The following WDR25 variants were observed in gnomAD, a reference collection of about 807,000 sequenced individuals.
WDR25 encodes the protein WD repeat domain 25.
Under a neutral mutation model 47.7 loss-of-function variants are expected in WDR25, and 35 were observed. The observed-to-expected ratio is 0.73, with a 90% CI of 0.56 to 0.97. WDR25 has a LOEUF of 0.97. Among genes scored for constraint, WDR25 ranks in the 50% least tolerant of loss-of-function variants. The pLI is 0.00. For synonymous variants in WDR25, 248 were observed against 278.9 expected (o/e 0.89, Z 1.10); for missense variants, 634 against 704.7 (o/e 0.90, Z 1.14).
Position 100,529,664 on chromosome 14 carries a change from A to T in WDR25, c.1414-156A>T. 1.2e-6 allele frequency: 1 copy of T among 814,110 alleles called. No individual in the cohort carries two copies. Among genetic ancestry groups the T allele is most frequent in the Non-Finnish European group, 1.9e-6 (1 of 527,594 alleles). 50.4% of individuals were successfully genotyped at this position (814,110 alleles called of 1,614,324 possible). A position where few individuals can be genotyped will look rare whatever the true frequency, so the allele number is the denominator to read the frequency against. On this transcript the variant is annotated intron_variant, in intron 6 of 6. Transcript: ENST00000402312. The surrounding 1 kb of genome is among the most constrained non-coding windows in gnomAD (Gnocchi z 5.1). Reference sequence around the variant, plus strand: ...GCCCGCATCAGGGCTCTACAGCCTCATGGGCGGGACCTGGGCTTTGGCCTC... The same window carrying T: ...GCCCGCATCAGGGCTCTACAGCCTCTTGGGCGGGACCTGGGCTTTGGCCTC...
At chr14:100,495,346 A>G (rs1165216430) in intron 4 of WDR25, among the ~76,000 whole-genome samples, 1 of 152,028 alleles carries the variant, frequency 6.6e-6, no homozygotes, top group East Asian at 1.9e-4. Flanking sequence ...ACAGGGTGAG[A>G]CTCCGTCTCA....
At chr14:100,478,148 T>G (rs1471144904) in intron 3 of WDR25, among the ~76,000 whole-genome samples, 1 of 152,216 alleles carries the variant, frequency 6.6e-6, no homozygotes, top group Non-Finnish European at 1.5e-5. Flanking sequence ...CCCTTGGTTT[T>G]AGTTTGTAAA....
chr14:100,463,797 G>A (rs992169797), intron 2 of WDR25, among the ~76,000 whole-genome samples: 3 of 152,114 alleles, frequency 2.0e-5, no homozygotes, highest in African/African-American at 7.2e-5. Context: ...CAGTGCTTGG[G>A]CCAGGAACTG....
intron 4 of WDR25, among the ~76,000 whole-genome samples, chr14:100,519,813 T>C (rs540555794): frequency 2.8e-5 from 4 of 140,572 alleles, no homozygotes; most frequent in Non-Finnish European, 6.1e-5. Context: ...TATGTATATA[T>C]GTATACTATA....
chr14:100,481,011 T>C (rs1900178791), intron 3 of WDR25: 1 of 429,386 alleles, frequency 2.3e-6, no homozygotes, highest in Admixed American at 3.2e-5. Context: ...AAGAGGAGAC[T>C]GGTGCAGTTG....
intron 2 of WDR25, among the ~76,000 whole-genome samples, chr14:100,414,839 G>A (rs1897824409): frequency 6.6e-6 from 1 of 151,362 alleles, no homozygotes; most frequent in African/African-American, 2.4e-5. Flanking sequence ...GGGAGGCGGA[G>A]CTTGCAGTGA....
In WDR25 at chr14:100,525,311, A is replaced by T. The variant is rs2030065339; in HGVS notation, c.1102-559A>T. Among the ~76,000 whole-genome samples the T allele has an allele frequency of 6.6e-6, 1 of 152,246 alleles. No homozygotes were observed. Among genetic ancestry groups the T allele is most frequent in the African/African-American group, 2.4e-5 (1 of 41,460 alleles). On this transcript the variant is annotated intron_variant, in intron 4 of 6. Transcript: ENST00000402312. This position sits in a 1 kb window ranked among gnomAD's most constrained non-coding sequence, Gnocchi z 4.6. The stretch of plus-strand genomic sequence containing the variant: ...ATACTTAATAAAGTCAGTTTATGAG[A>T]CAGCAGACTGTGAAGTATCGGTGAT...
At chr14:100,437,982 A>C (rs1898552590) in intron 2 of WDR25, among the ~76,000 whole-genome samples, 1 of 152,216 alleles carries the variant, frequency 6.6e-6, no homozygotes, top group Non-Finnish European at 1.5e-5. Flanking sequence ...AGTCTGGGAA[A>C]GAAATCCCCA....
rs776903515 is a variant in WDR25 at position 100,529,875 on chromosome 14, C to T, written c.1469C>T (p.Thr490Met). The T allele has an allele frequency of 3.3e-5, 54 of 1,613,210 alleles. No homozygotes were observed. The highest frequency in any genetic ancestry group is 4.2e-5 in the Non-Finnish European group (50 of 1,180,020). Residue 490 changes from threonine to methionine, a missense_variant, in exon 7 of 7, where the codon ACG becomes ATG. Coordinates refer to ENST00000402312, the MANE Select transcript of WDR25 (RefSeq NM_001161476.3). This position sits in a 1 kb window ranked among gnomAD's most constrained non-coding sequence, Gnocchi z 5.1. ...ECSPGGDLLV[T>M]GSADGRVLMY... The stretch of plus-strand genomic sequence containing the variant: ...TCCCCAGGCGGTGACTTGCTGGTGA[C>T]GGGCAGCGCCGATGGCCGGGTCCTG...
Position 100,470,640 on chromosome 14 carries a change from G to T in WDR25, c.970+2472G>T, listed in dbSNP as rs908920649. 2.0e-5 allele frequency among the ~76,000 whole-genome samples: 3 copies of T among 152,310 alleles called. No homozygotes were observed. The South Asian group carries it at 6.2e-4, about 32-fold the overall frequency. ...GAGTTTGAAGCAGGCAAGAGTCAGG[G>T]CTTGGTCTGTGCTTTGAGTAGTCCT... On this transcript the variant is annotated intron_variant, in intron 3 of 6. Transcript: ENST00000402312.
At position 100,523,603 on chromosome 14, in the gene WDR25, C is replaced by G. The variant is rs967066901; in HGVS notation, c.1102-2267C>G. ...GGCCAAGATTGGAGCCCAGTGACCA[C>G]CCCCAACCCCGTGCACTCTGGAAGT... On this transcript the variant is annotated intron_variant, in intron 4 of 6. Transcript: ENST00000402312. This position sits in a 1 kb window ranked among gnomAD's most constrained non-coding sequence, Gnocchi z 4.7. Among the ~76,000 whole-genome samples, 1 of 152,166 alleles carries G rather than the reference C, an allele frequency of 6.6e-6. No homozygotes were observed. The highest frequency in any genetic ancestry group is 1.5e-5 in the Non-Finnish European group (1 of 68,028).
rs771905982 is a variant in WDR25 at position 100,381,230 on chromosome 14, G to T, written c.306G>T (p.Glu102Asp). 9 of 1,613,814 alleles carry T rather than the reference G, an allele frequency of 5.6e-6. No homozygotes were observed. In the Admixed American group the frequency reaches 1.3e-4, roughly 24 times the overall value. ...PSQRLQWPGK[E>D]PQVTFPIKEP... ...AGAGGCTACAGTGGCCCGGGAAGGA[G>T]CCTCAAGTCACCTTCCCCATCAAAG... The change falls in exon 2 of 7, where the codon GAG becomes GAT. Residue 102 changes from glutamate to aspartate, a missense_variant. Coordinates refer to ENST00000402312, the MANE Select transcript of WDR25 (RefSeq NM_001161476.3).
chr14:100,522,983 C>T (rs2029931448), intron 4 of WDR25, among the ~76,000 whole-genome samples: 1 of 152,182 alleles, frequency 6.6e-6, no homozygotes, highest in Admixed American at 6.5e-5. Flanking sequence ...GGGGCTGGCT[C>T]AATCAGGGCC....
chr14:100,422,893 T>C (rs1462178826), intron 2 of WDR25, among the ~76,000 whole-genome samples: 2 of 152,190 alleles, frequency 1.3e-5, no homozygotes, highest in African/African-American at 4.8e-5. Flanking sequence ...AACGTCAAAG[T>C]GCTATTTTTT....
intron 1 of WDR25, among the ~76,000 whole-genome samples, chr14:100,377,034 C>T (rs914556884): frequency 1.3e-5 from 2 of 152,242 alleles, no homozygotes; most frequent in African/African-American, 4.8e-5. Flanking sequence ...CCTGCCTTCC[C>T]TTCCATCTTA....
At chr14:100,521,250 A>G (rs1052753958) in intron 4 of WDR25, among the ~76,000 whole-genome samples, 1 of 152,160 alleles carries the variant, frequency 6.6e-6, no homozygotes, top group African/African-American at 2.4e-5. Flanking sequence ...CAGTGACTAC[A>G]TATGGCCTAC....
intron 2 of WDR25, among the ~76,000 whole-genome samples, chr14:100,442,547 A>G (rs1261947945): frequency 6.6e-6 from 1 of 152,224 alleles, no homozygotes; most frequent in Non-Finnish European, 1.5e-5. Flanking sequence ...ATAGGTTTCA[A>G]AGGTGATCTG....
At position 100,525,664 on chromosome 14, in the gene WDR25, T is replaced by C. The variant is rs1180864646; in HGVS notation, c.1102-206T>C. Among the ~76,000 whole-genome samples, 1 of 152,094 alleles carries C rather than the reference T, an allele frequency of 6.6e-6. No homozygotes were observed. The highest frequency in any genetic ancestry group is 1.5e-5 in the Non-Finnish European group (1 of 68,014). On this transcript the variant is annotated intron_variant, in intron 4 of 6. Transcript: ENST00000402312. The surrounding 1 kb of genome is among the most constrained non-coding windows in gnomAD (Gnocchi z 4.6). ...CCATGTGGCAATAGAGCAGGGGGGC[T>C]GAGAAGCTGACAGACACTGGACTGG...
In WDR25 at chr14:100,381,688, G is replaced by A; in HGVS notation, c.764G>A (p.Cys255Tyr). 6.2e-7 allele frequency: 1 copy of A among 1,613,332 alleles called. No homozygotes were observed. Among genetic ancestry groups the A allele is most frequent in the Non-Finnish European group, 8.5e-7 (1 of 1,179,752 alleles). The change falls in exon 2 of 7, where the codon TGT (cysteine) becomes TAT (tyrosine). Residue 255 changes from cysteine to tyrosine, a missense_variant. Physicochemically the swap from Cys to Tyr is radical, Grantham distance 194 (BLOSUM62 -2). Transcript: ENST00000402312. ...HRGPVNTIQWCPVLSKSHMLL... is the reference protein window; with the variant it reads ...HRGPVNTIQWYPVLSKSHMLL... The stretch of plus-strand genomic sequence containing the variant: ...GGCCCTGTCAACACCATTCAGTGGT[G>A]TCCAGTCCTTTCTAAGAGCCACATG...
Sources: allele counts gnomAD v4.1 joint callset (sites outside exome capture counted in the v4.1 genomes callset), GRCh38; gene constraint gnomAD v4.1.1; non-coding constraint Gnocchi (gnomAD v3.1); transcripts MANE v1.5; gene names NCBI Gene and HGNC (gene_info 2026-07-23, HGNC 2026-07-21).